Variants in GRIA4 observed in about 807,000 individuals in gnomAD.
The protein encoded by GRIA4 is glutamate receptor 4.
Under a neutral mutation model 104.0 loss-of-function variants are expected in GRIA4, and 34 were observed. That is an observed-to-expected ratio of 0.33 (90% CI 0.25 to 0.44). GRIA4 has a LOEUF of 0.44. Among genes scored for constraint, GRIA4 ranks in the 20% least tolerant of loss-of-function variants. The pLI is 1.00. For synonymous variants in GRIA4, 386 were observed against 381.9 expected (o/e 1.01, Z -0.13); for missense variants, 750 against 1,096.5 (o/e 0.68, Z 4.46).
intron 7 of GRIA4, among the ~76,000 whole-genome samples, chr11:105,901,416 T>C (rs192694607): frequency 3.9e-4 from 60 of 152,276 alleles, no homozygotes; most frequent in African/African-American, 1.4e-3. Context: ...ATAGAAATCA[T>C]TTCATCATTC....
chr11:105,875,891 G>GT (rs201794790), intron 5 of GRIA4, among the ~76,000 whole-genome samples: 7,108 of 151,604 alleles, frequency 0.047, 217 homozygotes, highest in Non-Finnish European at 0.075. Context: ...TTTTTTAATG[G>GT]TTTTTTTGTG....
intron 3 of GRIA4, among the ~76,000 whole-genome samples, chr11:105,617,957 G>A (rs1182838640): frequency 6.6e-6 from 1 of 151,966 alleles, no homozygotes. Context: ...ATCAAACTTG[G>A]CATGGCATCC....
At chr11:105,690,362 A>T (rs1038840676) in intron 3 of GRIA4, among the ~76,000 whole-genome samples, 1 of 152,144 alleles carries the variant, frequency 6.6e-6, no homozygotes, top group African/African-American at 2.4e-5. Context: ...TTCTTTAAGG[A>T]ATTGATAGTG....
At chr11:105,860,574 T>G (rs1945184352) in intron 4 of GRIA4, among the ~76,000 whole-genome samples, 1 of 152,180 alleles carries the variant, frequency 6.6e-6, no homozygotes, top group Non-Finnish European at 1.5e-5. Context: ...TATAACTGAC[T>G]AACAGGCTCT....
chr11:105,612,179 T>C, intron 2 of GRIA4, 97 bp from the exon 3 acceptor site: 1 of 1,069,962 alleles, frequency 9.3e-7, no homozygotes, highest in Non-Finnish European at 1.4e-6. Context: ...TTTAATTGTA[T>C]GTGCTTGTGA....
At chr11:105,620,643 C>T (rs752296109) in intron 3 of GRIA4, among the ~76,000 whole-genome samples, 28 of 151,816 alleles carry the variant, frequency 1.8e-4, no homozygotes, top group Non-Finnish European at 3.4e-4. Context: ...TAACGCAGCA[C>T]AAAAATTTCA....
At chr11:105,944,399 T>C (rs1948255061) in intron 14 of GRIA4, among the ~76,000 whole-genome samples, 1 of 152,168 alleles carries the variant, frequency 6.6e-6, no homozygotes, top group South Asian at 2.1e-4. Flanking sequence ...CTCTCCTTCA[T>C]GTCTCACAGA....
At chr11:105,651,049 T>C (rs1191593123) in intron 3 of GRIA4, among the ~76,000 whole-genome samples, 1 of 152,162 alleles carries the variant, frequency 6.6e-6, no homozygotes, top group Non-Finnish European at 1.5e-5. Context: ...ATTTACAAAA[T>C]GAAATTTCAG....
Position 105,752,515 on chromosome 11 carries a change from T to G in GRIA4, c.248-466T>G, listed in dbSNP as rs1002189553. Among the ~76,000 whole-genome samples the G allele has an allele frequency of 6.6e-5, 10 of 152,264 alleles. No individual in the cohort carries two copies. The East Asian group carries it at 1.9e-3, about 29-fold the overall frequency. On this transcript the variant is annotated intron_variant, in intron 3 of 16. Coordinates refer to ENST00000282499, the MANE Select transcript of GRIA4 (RefSeq NM_000829.4). ...ATCCAATTCAAGAATAGAAAATATA[T>G]GCTTATAGTTTAGGCAGGAGGGCAA...
chr11:105,737,122 C>T (rs541305683), intron 3 of GRIA4, among the ~76,000 whole-genome samples: 17 of 152,066 alleles, frequency 1.1e-4, no homozygotes, highest in African/African-American at 3.1e-4. Context: ...ACTTTGAAAT[C>T]GCTGGAAATG....
chr11:105,624,510 A>G (rs1024425399), intron 3 of GRIA4, among the ~76,000 whole-genome samples: 1 of 152,114 alleles, frequency 6.6e-6, no homozygotes, highest in Non-Finnish European at 1.5e-5. Flanking sequence ...GTTCTTGATC[A>G]TCTACATTGC....
intron 3 of GRIA4, among the ~76,000 whole-genome samples, chr11:105,717,020 G>C (rs188995922): frequency 6.6e-6 from 1 of 152,160 alleles, no homozygotes; most frequent in Admixed American, 6.6e-5. Flanking sequence ...GTGTTACATG[G>C]AGGTTTATCT....
At chr11:105,609,995 G>A (rs1950430429), upstream of GRIA4, 1 of 152,698 alleles carries the variant, frequency 6.5e-6, no homozygotes, top group Non-Finnish European at 1.5e-5. Flanking sequence ...TCCCTTGTCA[G>A]GCTCTCCAGA....
intron 10 of GRIA4, among the ~76,000 whole-genome samples, chr11:105,917,649 T>C (rs1458406319): frequency 6.6e-6 from 1 of 152,180 alleles, no homozygotes; most frequent in East Asian, 1.9e-4. Context: ...TGGTCACTCC[T>C]TGTCTGCAAA....
At chr11:105,691,935 C>CAA (rs202074069) in intron 3 of GRIA4, among the ~76,000 whole-genome samples, 26,629 of 75,914 alleles carry the variant, frequency 0.35, 4,275 homozygotes, top group South Asian at 0.41. Flanking sequence ...AACTCCGTCT[C>CAA]AAAAAAAAAA....
chr11:105,871,689 A>C (rs1156621820), intron 5 of GRIA4, among the ~76,000 whole-genome samples: 1 of 151,928 alleles, frequency 6.6e-6, no homozygotes, highest in African/African-American at 2.4e-5. Context: ...TGTGAAAAAA[A>C]AATCTGCTGA....
intron 4 of GRIA4, among the ~76,000 whole-genome samples, chr11:105,861,600 C>G (rs1452231643): frequency 6.6e-6 from 1 of 151,676 alleles, no homozygotes; most frequent in Non-Finnish European, 1.5e-5. Flanking sequence ...ATAGTTGAAC[C>G]AAAAATGTTG....
At chr11:105,718,859 G>A (rs993416064) in intron 3 of GRIA4, among the ~76,000 whole-genome samples, 7 of 152,084 alleles carry the variant, frequency 4.6e-5, no homozygotes, top group Admixed American at 3.3e-4. Flanking sequence ...GCTTGCTGAG[G>A]CTCCTTGAGC....
intron 4 of GRIA4, among the ~76,000 whole-genome samples, chr11:105,776,433 T>G (rs1010389316): frequency 6.6e-6 from 1 of 152,218 alleles, no homozygotes; most frequent in African/African-American, 2.4e-5. Flanking sequence ...TAGAACAGTA[T>G]ATTCTTTGTG....
Sources: allele counts gnomAD v4.1 joint callset (sites outside exome capture counted in the v4.1 genomes callset), GRCh38; gene constraint gnomAD v4.1.1; transcripts MANE v1.5; gene names NCBI Gene and HGNC (gene_info 2026-07-23, HGNC 2026-07-21).